Variants in MIB1 observed in about 807,000 individuals in gnomAD.
MIB1 encodes the protein MIB E3 ubiquitin protein ligase 1.
In MIB1, 278 loss-of-function variants were observed where a neutral mutation model predicts 124.5. The observed-to-expected ratio is 2.23, with a 90% confidence interval of 2.02 to 2.47. MIB1 has a LOEUF of 2.47. Among genes scored for constraint, MIB1 ranks in the 30% most tolerant of loss-of-function variants. The pLI, the probability that MIB1 is intolerant of heterozygous loss-of-function variation, is 0.00. For synonymous variants in MIB1, 446 were observed against 429.4 expected, an observed-to-expected ratio of 1.04 and a Z score of -0.48; for missense variants, 957 against 1,254.4, an observed-to-expected ratio of 0.76 and a Z score of 3.58.
At chr18:21,854,880 C>A in intron 18 of MIB1, 1 of 210,662 alleles carries the variant, frequency 4.7e-6, no homozygotes, top group South Asian at 9.2e-5. Flanking sequence ...GGTGCTTTCC[C>A]TACCTTCTTG....
intron 4 of MIB1, among the ~76,000 whole-genome samples, chr18:21,777,335 G>T (rs1489946384): frequency 1.3e-5 from 2 of 151,904 alleles, no homozygotes; most frequent in East Asian, 3.9e-4. Flanking sequence ...CATGAGAATC[G>T]CTTGAACCCA....
chr18:21,733,924 C>T (rs558818928), intron 1 of MIB1, among the ~76,000 whole-genome samples: 1 of 151,860 alleles, frequency 6.6e-6, no homozygotes, highest in East Asian at 1.9e-4. Context: ...AGGCTGGTCT[C>T]GAACTCCTGA....
chr18:21,854,141 AT>A (rs1568228253), intron 18 of MIB1, among the ~76,000 whole-genome samples: 2 of 151,994 alleles, frequency 1.3e-5, no homozygotes, highest in South Asian at 4.1e-4. Context: ...TATAATGGCT[AT>A]TACCCAATAC....
chr18:21,860,134 A>C (rs1598647116), intron 20 of MIB1, among the ~76,000 whole-genome samples: 5 of 68,224 alleles, frequency 7.3e-5, no homozygotes, highest in African/African-American at 7.8e-5. Context: ...TTAGAGTCTC[A>C]CTCTCACCCA....
chr18:21,826,855 C>T (rs996996589), intron 12 of MIB1: 3 of 152,096 alleles, frequency 2.0e-5, no homozygotes, highest in African/African-American at 7.2e-5. Flanking sequence ...TATTCTGCGT[C>T]TGTTGGTTGG....
At chr18:21,816,276 T>C (rs2041829073) in intron 11 of MIB1, among the ~76,000 whole-genome samples, 2 of 152,190 alleles carry the variant, frequency 1.3e-5, no homozygotes, top group South Asian at 4.1e-4. Flanking sequence ...TGATTTACAG[T>C]AGGATCTAAT....
chr18:21,748,066 A>G (rs2040930924), intron 1 of MIB1, among the ~76,000 whole-genome samples: 1 of 152,168 alleles, frequency 6.6e-6, no homozygotes, highest in African/African-American at 2.4e-5. Context: ...GATAAAAGGA[A>G]ACTCAGATTC....
chr18:21,715,146 G>A (rs1390988605), intron 1 of MIB1, among the ~76,000 whole-genome samples: 1 of 152,176 alleles, frequency 6.6e-6, no homozygotes, highest in East Asian at 1.9e-4. Flanking sequence ...TACTGTGCTG[G>A]TATCCACAGC....
At position 21,803,920 on chromosome 18, in the gene MIB1, G is replaced by A; in HGVS notation, c.1385G>A (p.Cys462Tyr). 1 of 1,612,808 alleles carries A rather than the reference G, an allele frequency of 6.2e-7. No individual in the cohort carries two copies. Among genetic ancestry groups the A allele is most frequent in the Non-Finnish European group, 8.5e-7 (1 of 1,179,228 alleles). ...KRPDVDVNGQ[C>Y]AGHTAMQAAS... is the part of the protein sequence containing the mutation. ...TAAAAAATGTAGGTAAATGGGCAAT[G>A]TGCTGGCCACACAGCTATGCAAGCT... The change falls in exon 10 of 21, where the codon TGT becomes TAT. Residue 462 changes from cysteine (C) to tyrosine (Y), a missense_variant. Coordinates refer to ENST00000261537, the MANE Select transcript of MIB1 (RefSeq NM_020774.4).
intron 1 of MIB1, among the ~76,000 whole-genome samples, chr18:21,734,494 C>CTCTCTCTT (rs1025405309): frequency 1.6e-5 from 1 of 64,082 alleles, no homozygotes; most frequent in African/African-American, 5.3e-5. Flanking sequence ...CTCTCTCTCT[C>CTCTCTCTT]TCTTTCTTTC....
intron 10 of MIB1, among the ~76,000 whole-genome samples, chr18:21,809,181 C>A (rs1290149026): frequency 1.3e-5 from 2 of 152,010 alleles, no homozygotes; most frequent in Non-Finnish European, 2.9e-5. Context: ...GGATGAATTT[C>A]TAGAACACAA....
chr18:21,854,151 A>G (rs1449529710), intron 18 of MIB1, among the ~76,000 whole-genome samples: 1 of 152,176 alleles, frequency 6.6e-6, no homozygotes, highest in Non-Finnish European at 1.5e-5. Context: ...ATTACCCAAT[A>G]CTATCAAAAG....
chr18:21,784,084 A>G (rs1032207541), intron 6 of MIB1, among the ~76,000 whole-genome samples: 5 of 123,918 alleles, frequency 4.0e-5, no homozygotes, highest in Admixed American at 1.9e-4. Context: ...GAGTCTCGCT[A>G]TGTCACCAGG....
At position 21,768,648 on chromosome 18, in the gene MIB1, T is replaced by G; in HGVS notation, c.427T>G (p.Ser143Ala). ...GGTTCTGTTAGAGTCTCGTAGGAAA[T>G]CTAAGAAGATTACAGCCAGAGGAAT... ...ERVLLESRRK[S>A]KKITARGIFA... The change falls in exon 3 of 21, where the codon TCT becomes GCT. Residue 143 changes from serine to alanine, a missense_variant. Coordinates refer to ENST00000261537, the MANE Select transcript of MIB1 (RefSeq NM_020774.4). 6.3e-7 allele frequency: 1 copy of G among 1,587,506 alleles called. No homozygotes were observed. The highest frequency in any genetic ancestry group is 8.6e-7 in the Non-Finnish European group (1 of 1,165,550).
intron 1 of MIB1, among the ~76,000 whole-genome samples, chr18:21,734,781 G>A (rs768004573): frequency 5.9e-5 from 9 of 151,600 alleles, no homozygotes; most frequent in South Asian, 4.2e-4. Flanking sequence ...CATCCGCCTC[G>A]GCCTCCCACA....
At chr18:21,748,439 CTTCT>C (rs1332944647) in intron 1 of MIB1, among the ~76,000 whole-genome samples, 1 of 135,276 alleles carries the variant, frequency 7.4e-6, no homozygotes, top group Non-Finnish European at 1.6e-5. Flanking sequence ...CTCCCTTTCT[CTTCT>C]TTCTTTCTGG....
At chr18:21,856,643 G>A (rs2042231732) in intron 18 of MIB1, among the ~76,000 whole-genome samples, 1 of 152,184 alleles carries the variant, frequency 6.6e-6, no homozygotes, top group Non-Finnish European at 1.5e-5. Context: ...CAGGTTGATA[G>A]GTGCAGCAAA....
At chr18:21,753,679 CT>C (rs1684946295) in intron 1 of MIB1, among the ~76,000 whole-genome samples, 2 of 151,064 alleles carry the variant, frequency 1.3e-5, no homozygotes. Context: ...CTTTTTCTTT[CT>C]TTCGTTTTTT....
intron 1 of MIB1, among the ~76,000 whole-genome samples, chr18:21,734,748 C>T (rs2040788509): frequency 6.6e-6 from 1 of 152,102 alleles, no homozygotes; most frequent in African/African-American, 2.4e-5. Context: ...AGGCTGGCCT[C>T]GAACTCCTGA....
Sources: allele counts gnomAD v4.1 joint callset (sites outside exome capture counted in the v4.1 genomes callset), GRCh38; gene constraint gnomAD v4.1.1; transcripts MANE v1.5; gene names NCBI Gene and HGNC (gene_info 2026-07-23, HGNC 2026-07-21).